Variants in DPP10 observed in about 807,000 individuals in gnomAD.
The protein encoded by DPP10 is dipeptidyl peptidase like 10.
A neutral mutation model predicts 120.9 loss-of-function variants in DPP10; 33 were observed. The ratio of observed to expected loss-of-function variants is 0.27; its 90% CI spans 0.21 to 0.37. The LOEUF (loss-of-function observed/expected upper bound fraction) is 0.37, where lower values mean the gene tolerates loss of function less well. Ranked by LOEUF, DPP10 falls within the 10% of genes least tolerant of loss-of-function variation. The probability of loss-of-function intolerance (pLI) is 1.00; values close to 1 mark genes in which losing one functional copy is unlikely to be tolerated. For synonymous variants in DPP10, 337 were observed against 326.1 expected (o/e 1.03, Z -0.36); for missense variants, 816 against 942.8 (o/e 0.87, Z 1.76).
intron 3 of DPP10, among the ~76,000 whole-genome samples, chr2:115,451,632 T>G (rs843447): frequency 0.83 from 125,611 of 151,818 alleles, 55,015 homozygotes; most frequent in Non-Finnish European, 0.97. Context: ...CAGCTGCCTC[T>G]GTTGCTACCA....
chr2:115,381,177 C>G (rs962288560), intron 3 of DPP10, among the ~76,000 whole-genome samples: 3 of 152,202 alleles, frequency 2.0e-5, no homozygotes, highest in Non-Finnish European at 4.4e-5. Flanking sequence ...CTCCCCGTCA[C>G]TTTCACGTAC....
chr2:114,832,770 A>G (rs1351956006), intron 1 of DPP10, among the ~76,000 whole-genome samples: 3 of 152,180 alleles, frequency 2.0e-5, no homozygotes, highest in Non-Finnish European at 4.4e-5. Context: ...AACAGATAGT[A>G]ATATAAAGGA....
At chr2:114,650,184 C>A (rs1287376869) in intron 1 of DPP10, among the ~76,000 whole-genome samples, 5 of 152,062 alleles carry the variant, frequency 3.3e-5, no homozygotes, top group Admixed American at 6.5e-5. Context: ...TATGATCTAA[C>A]CTTGGAGCAC....
chr2:115,567,707 C>T lies in DPP10; in HGVS notation c.441+41735C>T, dbSNP rs181634775. Reference sequence around the variant, plus strand: ...GAAGTTGGATCATTAAGGAAAATGTCGAGACATTCATTTCCGAGTCAAAGG... The same window carrying T: ...GAAGTTGGATCATTAAGGAAAATGTTGAGACATTCATTTCCGAGTCAAAGG... On this transcript the variant is annotated intron_variant, in intron 5 of 25. Transcript: ENST00000410059. Among the ~76,000 whole-genome samples the T allele has an allele frequency of 1.2e-4, 18 of 152,226 alleles. No homozygotes were observed. The South Asian group carries it at 3.1e-3, about 26-fold the overall frequency.
chr2:115,733,861 A>G (rs1250541288), intron 8 of DPP10, among the ~76,000 whole-genome samples: 1 of 152,222 alleles, frequency 6.6e-6, no homozygotes, highest in Non-Finnish European at 1.5e-5. Context: ...AATAAAAACG[A>G]TGAAGAGCCA....
rs1451089112 is a variant in DPP10 at position 115,298,198 on chromosome 2, T to G, written c.61-11041T>G. Among the ~76,000 whole-genome samples, 17 of 152,204 alleles carry G rather than the reference T, an allele frequency of 1.1e-4. No homozygotes were observed. In the East Asian group the frequency reaches 2.7e-3, roughly 24 times the overall value. ...GTCTCTGACCTGGTAGAACTCAATT[T>G]AGACTTAAACATAATTTGGAAAATA... is the stretch of plus-strand genomic sequence containing the variant. On this transcript the variant is annotated intron_variant, in intron 1 of 25. Coordinates refer to ENST00000410059, the MANE Select transcript of DPP10 (RefSeq NM_020868.6).
chr2:115,350,016 T>G (rs549202186), intron 3 of DPP10, among the ~76,000 whole-genome samples: 139 of 152,250 alleles, frequency 9.1e-4, no homozygotes, highest in African/African-American at 3.2e-3. Flanking sequence ...AGAGTTGAAT[T>G]TATATTCATG....
intron 19 of DPP10, among the ~76,000 whole-genome samples, chr2:115,813,138 C>T (rs992959504): frequency 6.6e-6 from 1 of 151,038 alleles, no homozygotes; most frequent in African/African-American, 2.5e-5. Flanking sequence ...CCCGCCACCG[C>T]GCCCGGCTAA....
At chr2:114,740,867 T>C (rs1574080289) in intron 1 of DPP10, among the ~76,000 whole-genome samples, 1 of 152,318 alleles carries the variant, frequency 6.6e-6, no homozygotes, top group East Asian at 1.9e-4. Flanking sequence ...TTCTGTAGTA[T>C]ATACTGTACC....
At chr2:114,517,152 G>A (rs1684656969) in intron 1 of DPP10, among the ~76,000 whole-genome samples, 1 of 152,096 alleles carries the variant, frequency 6.6e-6, no homozygotes, top group African/African-American at 2.4e-5. Flanking sequence ...TGAATCTTTA[G>A]GGTTTGAAGA....
Position 115,603,576 on chromosome 2 carries a change from T to G in DPP10, c.441+77604T>G, listed in dbSNP as rs532890236. Among the ~76,000 whole-genome samples the G allele has an allele frequency of 1.0e-3, 154 of 147,702 alleles. 2 individuals are homozygous for G. The highest frequency in any genetic ancestry group is 3.7e-3 in the African/African-American group (149 of 39,794). On this transcript the variant is annotated intron_variant, in intron 5 of 25. Transcript: ENST00000410059. ...GTTGTTGTTGTTTTTTTTTGTTTTT[T>G]TTTTTTTTGGATTTCTTGACAGCTC...
In DPP10 at chr2:115,816,904, C is replaced by T. The variant is rs1461627468; in HGVS notation, c.1950+1175C>T. On this transcript the variant is annotated intron_variant, in intron 21 of 25. Coordinates refer to ENST00000410059, the MANE Select transcript of DPP10 (RefSeq NM_020868.6). ...TGCTGGGATTACAGGTGTGAGCCAC[C>T]GTGCCCAGCCTATTGAGCTTGTTTT... Among the ~76,000 whole-genome samples the T allele has an allele frequency of 2.7e-5, 4 of 149,484 alleles. No homozygotes were observed. In the South Asian group the frequency reaches 6.4e-4, roughly 24 times the overall value.
chr2:114,783,697 G>C (rs1320335911), intron 1 of DPP10, among the ~76,000 whole-genome samples: 1 of 151,910 alleles, frequency 6.6e-6, no homozygotes, highest in Non-Finnish European at 1.5e-5. Flanking sequence ...AGCCGGGTGA[G>C]GTGGCGCACA....
intron 5 of DPP10, among the ~76,000 whole-genome samples, chr2:115,667,175 C>A (rs1473156455): frequency 1.3e-5 from 2 of 151,934 alleles, no homozygotes; most frequent in African/African-American, 4.8e-5. Flanking sequence ...TTGTTCATGT[C>A]CTTTGCTTAA....
At chr2:115,567,167 G>A (rs2081054912) in intron 5 of DPP10, among the ~76,000 whole-genome samples, 3 of 151,330 alleles carry the variant, frequency 2.0e-5, no homozygotes, top group African/African-American at 7.3e-5. Context: ...TTTGAAACAC[G>A]GTTTTTCTCC....
chr2:114,471,510 A>G (rs1478846547), intron 1 of DPP10, among the ~76,000 whole-genome samples: 1 of 152,192 alleles, frequency 6.6e-6, no homozygotes, highest in African/African-American at 2.4e-5. Flanking sequence ...TTTATTTTTA[A>G]TTACCCATAG....
intron 1 of DPP10, among the ~76,000 whole-genome samples, chr2:114,444,097 T>G (rs985787979): frequency 1.3e-5 from 2 of 152,178 alleles, no homozygotes; most frequent in Non-Finnish European, 2.9e-5. Context: ...ACTGAAATCA[T>G]GCAGAACTCA....
intron 1 of DPP10, among the ~76,000 whole-genome samples, chr2:115,100,986 T>G (rs1219394402): frequency 2.6e-5 from 4 of 152,144 alleles, no homozygotes; most frequent in Non-Finnish European, 5.9e-5. Context: ...TTACAGTTGT[T>G]TTTTAGGGTC....
chr2:115,312,114 A>G (rs767673063), intron 2 of DPP10, among the ~76,000 whole-genome samples: 2 of 152,118 alleles, frequency 1.3e-5, no homozygotes, highest in Non-Finnish European at 2.9e-5. Flanking sequence ...ACATGTTCAA[A>G]TGTCTTTGGA....
Sources: allele counts gnomAD v4.1 joint callset (sites outside exome capture counted in the v4.1 genomes callset), GRCh38; gene constraint gnomAD v4.1.1; transcripts MANE v1.5; gene names NCBI Gene and HGNC (gene_info 2026-07-23, HGNC 2026-07-21).